PARD3: variants seen among roughly 807,000 people sequenced by gnomAD.
PARD3 encodes the protein par-3 family cell polarity regulator.
In PARD3, 75 loss-of-function variants were observed where a neutral mutation model predicts 155.4. The observed-to-expected ratio is 0.48, with a 90% CI of 0.40 to 0.58. PARD3 has a LOEUF of 0.58. PARD3 is among the 20% of genes least tolerant of loss of function. PARD3 has a pLI of 0.00. For synonymous variants in PARD3, 576 were observed against 610.5 expected, an observed-to-expected ratio of 0.94 and a Z score of 0.83; for missense variants, 1,642 against 1,721.7, an observed-to-expected ratio of 0.95 and a Z score of 0.82.
chr10:34,373,031 G>A (rs1840850600), intron 11 of PARD3, among the ~76,000 whole-genome samples: 1 of 151,406 alleles, frequency 6.6e-6, no homozygotes, highest in African/African-American at 2.4e-5. Context: ...AATTACCTAG[G>A]AACTTACAAG....
At chr10:34,172,738 CAAAAAA>C (rs1483055426) in intron 22 of PARD3, among the ~76,000 whole-genome samples, 1 of 130,110 alleles carries the variant, frequency 7.7e-6, no homozygotes, top group Non-Finnish European at 1.7e-5. Context: ...AAAACAAAAA[CAAAAAA>C]ACAACAAAAA....
In PARD3 at chr10:34,760,134, T is replaced by C. The variant is rs560559851; in HGVS notation, c.120+54742A>G. Among the ~76,000 whole-genome samples, 13 of 152,288 alleles carry C rather than the reference T, an allele frequency of 8.5e-5. No individual in the cohort carries two copies. In the South Asian group the frequency reaches 2.5e-3, roughly 29 times the overall value. On this transcript the variant is annotated intron_variant, in intron 1 of 24. Coordinates refer to ENST00000374788, the MANE Select transcript of PARD3 (RefSeq NM_001184785.2). ...TGATCTCCCTATCTTCTGGTTTTTA[T>C]GTCTCTGTGTAAACCCCTCCCCAAT...
chr10:34,285,253 G>A (rs1254991838), intron 20 of PARD3, among the ~76,000 whole-genome samples: 1 of 152,170 alleles, frequency 6.6e-6, no homozygotes, highest in Non-Finnish European at 1.5e-5. Flanking sequence ...CTGGCGTACT[G>A]TGACAATTTC....
At chr10:34,455,996 G>T (rs1429648496) in intron 4 of PARD3, among the ~76,000 whole-genome samples, 1 of 152,052 alleles carries the variant, frequency 6.6e-6, no homozygotes, top group Non-Finnish European at 1.5e-5. Flanking sequence ...TTGCTAACAG[G>T]TTTCCCCCAC....
chr10:34,431,528 G>A (rs915731973), intron 5 of PARD3, among the ~76,000 whole-genome samples: 2 of 151,458 alleles, frequency 1.3e-5, no homozygotes, highest in Non-Finnish European at 2.9e-5. Flanking sequence ...ATCACCTGAT[G>A]TCAGGAGTTC....
chr10:34,320,480 A>T (rs1958305100), intron 19 of PARD3, among the ~76,000 whole-genome samples: 1 of 152,202 alleles, frequency 6.6e-6, no homozygotes, highest in Non-Finnish European at 1.5e-5. Flanking sequence ...TCATGAATGG[A>T]ACTATCAGTA....
chr10:34,211,597 C>T (rs1267478929), intron 22 of PARD3, among the ~76,000 whole-genome samples: 2 of 152,130 alleles, frequency 1.3e-5, no homozygotes, highest in Non-Finnish European at 2.9e-5. Context: ...GCCTGGCCAA[C>T]ATGGTGAAAC....
intron 22 of PARD3, among the ~76,000 whole-genome samples, chr10:34,139,393 A>G (rs1948065613): frequency 6.6e-6 from 1 of 152,232 alleles, no homozygotes; most frequent in Admixed American, 6.5e-5. Context: ...CTCAAGATCC[A>G]GCCCATTAGT....
intron 2 of PARD3, among the ~76,000 whole-genome samples, chr10:34,602,379 T>G (rs1480983042): frequency 6.6e-6 from 1 of 152,232 alleles, no homozygotes; most frequent in East Asian, 1.9e-4. Flanking sequence ...CTTCTGGTGA[T>G]TATTATTATA....
chr10:34,321,483 T>C (rs1222257142), intron 19 of PARD3, among the ~76,000 whole-genome samples: 2 of 152,232 alleles, frequency 1.3e-5, no homozygotes, highest in African/African-American at 2.4e-5. Flanking sequence ...TCCAAACAAA[T>C]AGAAATTTCC....
chr10:34,152,679 G>T (rs1372397980), intron 22 of PARD3, among the ~76,000 whole-genome samples: 2 of 152,018 alleles, frequency 1.3e-5, no homozygotes, highest in Non-Finnish European at 2.9e-5. Flanking sequence ...TTTTTCAAAA[G>T]GATTATTCAA....
intron 3 of PARD3, among the ~76,000 whole-genome samples, chr10:34,507,144 T>G (rs1564790502): frequency 6.6e-6 from 1 of 152,176 alleles, no homozygotes. Context: ...TATTTTTAAA[T>G]GCCAATACAG....
chr10:34,388,861 A>G (rs1842605571), intron 7 of PARD3, among the ~76,000 whole-genome samples: 1 of 152,204 alleles, frequency 6.6e-6, no homozygotes, highest in Non-Finnish European at 1.5e-5. Context: ...CAAGAGCAGA[A>G]CAACCCCAGA....
At chr10:34,334,090 A>C (rs1014213702) in intron 18 of PARD3, among the ~76,000 whole-genome samples, 1 of 151,878 alleles carries the variant, frequency 6.6e-6, no homozygotes, top group African/African-American at 2.4e-5. Context: ...TTTTAAAACA[A>C]TATTTTAAGC....
chr10:34,426,547 T>A (rs180723468), intron 5 of PARD3: 1 of 152,318 alleles, frequency 6.6e-6, no homozygotes, highest in East Asian at 1.9e-4. Flanking sequence ...AACTTAAGAA[T>A]GAGTAATTAC....
intron 2 of PARD3, among the ~76,000 whole-genome samples, chr10:34,554,375 T>C (rs1272326908): frequency 6.6e-6 from 1 of 152,228 alleles, no homozygotes. Context: ...TATTCCATGT[T>C]AGTAATGAAG....
chr10:34,308,128 T>G (rs933931297), intron 20 of PARD3, among the ~76,000 whole-genome samples: 4 of 152,086 alleles, frequency 2.6e-5, no homozygotes, highest in African/African-American at 9.7e-5. Context: ...AGAGTAAAGT[T>G]ACTGAAGGAA....
intron 4 of PARD3, among the ~76,000 whole-genome samples, chr10:34,453,414 G>T (rs1193511396): frequency 6.6e-6 from 1 of 152,084 alleles, no homozygotes; most frequent in East Asian, 1.9e-4. Flanking sequence ...GGAAGCCTGG[G>T]CAGATCATCA....
At chr10:34,169,028 A>C (rs1464514171) in intron 22 of PARD3, among the ~76,000 whole-genome samples, 1 of 152,228 alleles carries the variant, frequency 6.6e-6, no homozygotes, top group Non-Finnish European at 1.5e-5. Context: ...TTGCTTTTGC[A>C]CATTAGATTT....
Sources: gnomAD v4.1 joint callset for allele counts (sites outside exome capture counted in the v4.1 genomes callset) on GRCh38, gnomAD v4.1.1 for gene constraint, MANE v1.5 for transcripts, NCBI Gene and HGNC (gene_info 2026-07-23, HGNC 2026-07-21) for gene names.